FBLN7: variants seen among roughly 807,000 people sequenced by gnomAD.
FBLN7 encodes fibulin-7.
In FBLN7, 31 loss-of-function variants were observed where a neutral mutation model predicts 44.0. The ratio of observed to expected loss-of-function variants is 0.70; its 90% CI spans 0.53 to 0.95. FBLN7 has a LOEUF of 0.95. Ranked by LOEUF, FBLN7 falls within the 40% of genes least tolerant of loss-of-function variation. The pLI is 0.00. For missense variants in FBLN7, 573 were observed against 618.5 expected, an observed-to-expected ratio of 0.93 and a Z score of 0.78; for synonymous variants, 262 against 253.4, an observed-to-expected ratio of 1.03 and a Z score of -0.32.
chr2:112,232,096 G>A, the FBLN7 span: 15 of 419,868 alleles, frequency 3.6e-5, no homozygotes, highest in Non-Finnish European at 4.6e-5. Context: ...GATCACTTGA[G>A]GCCAGGAGTT....
the FBLN7 span, among the ~76,000 whole-genome samples, chr2:112,234,480 T>C: frequency 6.6e-6 from 1 of 152,212 alleles, no homozygotes; most frequent in South Asian, 2.1e-4. Flanking sequence ...ATACATTGCC[T>C]TTATTTTGTA....
At chr2:112,160,690 ACG>A (rs1681731762) in intron 2 of FBLN7, among the ~76,000 whole-genome samples, 1 of 128,698 alleles carries the variant, frequency 7.8e-6, no homozygotes, top group Admixed American at 7.5e-5. Flanking sequence ...ACGCACGCAC[ACG>A]CACACACGCA....
At chr2:112,243,243 T>A in the FBLN7 span, among the ~76,000 whole-genome samples, 1 of 152,226 alleles carries the variant, frequency 6.6e-6, no homozygotes, top group African/African-American at 2.4e-5. Flanking sequence ...AGACTTTAAG[T>A]GCTTCAAAAT....
intron 2 of FBLN7, among the ~76,000 whole-genome samples, chr2:112,160,151 C>G (rs532907445): frequency 6.6e-6 from 1 of 152,196 alleles, no homozygotes; most frequent in Non-Finnish European, 1.5e-5. Flanking sequence ...CCACCACGCC[C>G]GGCTAATTTT....
At chr2:112,231,999 T>C in the FBLN7 span, 2 of 1,122,120 alleles carry the variant, frequency 1.8e-6, no homozygotes, top group Non-Finnish European at 2.6e-6. Context: ...GAAATAATGT[T>C]ATTAACTTAA....
At chr2:112,206,644 A>G in the FBLN7 span, among the ~76,000 whole-genome samples, 1 of 152,032 alleles carries the variant, frequency 6.6e-6, no homozygotes, top group Non-Finnish European at 1.5e-5. Context: ...CCTGGGCTCA[A>G]GCAATCCACC....
the FBLN7 span, among the ~76,000 whole-genome samples, chr2:112,239,751 A>C: frequency 2.6e-5 from 4 of 151,860 alleles, no homozygotes; most frequent in Non-Finnish European, 5.9e-5. Flanking sequence ...TGCTCAGCTA[A>C]TTTTTGTATT....
chr2:112,160,043 T>C (rs188453854), intron 2 of FBLN7, among the ~76,000 whole-genome samples: 3,587 of 152,128 alleles, frequency 0.024, 139 homozygotes, highest in African/African-American at 0.08. Context: ...CAGGCTGGAG[T>C]GCAGTGGCGC....
At position 112,175,853 on chromosome 2, in the gene FBLN7, A is replaced by G. The variant is rs200782132; in HGVS notation, c.532+14A>G. ...AGGCCCAGACTGGTATGTAGCCACC[A>G]TGGGGTTAGGTGAGGACATCCTGCT... On this transcript the variant is annotated intron_variant, in intron 4 of 7. Coordinates refer to ENST00000331203, the MANE Select transcript of FBLN7 (RefSeq NM_153214.3). The G allele has an allele frequency of 2.7e-4, 443 of 1,613,324 alleles. No homozygotes were observed. The highest frequency in any genetic ancestry group is 3.6e-4 in the Non-Finnish European group (429 of 1,179,568).
At chr2:112,227,300 G>A in the FBLN7 span, among the ~76,000 whole-genome samples, 11 of 152,320 alleles carry the variant, frequency 7.2e-5, no homozygotes, top group Non-Finnish European at 1.3e-4. Flanking sequence ...CGAGGCAGGC[G>A]GATCGCCTGA....
chr2:112,187,609 C>T lies in FBLN7; in HGVS notation c.*103C>T, dbSNP rs1196447769. ...CGTGGAGCCTCCCGCCTGTTCCCGC[C>T]CTCTCACCAGTGCACCCAGGCTTCT... On this transcript the variant is annotated 3_prime_UTR_variant, in exon 8 of 8. Coordinates refer to ENST00000331203, the MANE Select transcript of FBLN7 (RefSeq NM_153214.3). This position sits in a 1 kb window ranked among gnomAD's most constrained non-coding sequence, Gnocchi z 5.1. 2.7e-6 allele frequency: 4 copies of T among 1,500,078 alleles called. No individual in the cohort carries two copies. In the Admixed American group the frequency reaches 5.7e-5, roughly 21 times the overall value. 92.9% of individuals were successfully genotyped at this position (1,500,078 alleles called of 1,614,324 possible).
the FBLN7 span, among the ~76,000 whole-genome samples, chr2:112,196,382 T>C: frequency 7.1e-6 from 1 of 140,104 alleles, no homozygotes; most frequent in African/African-American, 2.7e-5. Context: ...TTCTTTTTTT[T>C]TTTTTTTTTT....
chr2:112,205,358 G>GT, the FBLN7 span, among the ~76,000 whole-genome samples: 1 of 151,974 alleles, frequency 6.6e-6, no homozygotes, highest in African/African-American at 2.4e-5. Context: ...TATATTAAGT[G>GT]TATTTGGACT....
intron 1 of FBLN7, chr2:112,151,197 G>C (rs1487905944): frequency 6.6e-6 from 1 of 152,336 alleles, no homozygotes; most frequent in African/African-American, 2.4e-5. Context: ...AAACGGGAAG[G>C]GAAGGGTCAA....
chr2:112,164,906 A>G, intron 2 of FBLN7, 95 bp from the exon 3 acceptor site: 1 of 1,367,226 alleles, frequency 7.3e-7, no homozygotes, highest in Non-Finnish European at 1.0e-6. Context: ...CATGCAACAG[A>G]GGGCACTTCG....
At chr2:112,157,477 C>T (rs1681490288) in intron 1 of FBLN7, among the ~76,000 whole-genome samples, 1 of 152,164 alleles carries the variant, frequency 6.6e-6, no homozygotes. Context: ...CAGCAGAGTC[C>T]AGGCTGTGCT....
At chr2:112,149,729 C>T (rs185815598) in intron 1 of FBLN7, among the ~76,000 whole-genome samples, 50 of 152,270 alleles carry the variant, frequency 3.3e-4, no homozygotes, top group African/African-American at 1.2e-3. Flanking sequence ...AATAAGGACA[C>T]GACACACATT....
intron 1 of FBLN7, chr2:112,151,697 T>C (rs1295646332): frequency 6.6e-6 from 1 of 152,196 alleles, no homozygotes; most frequent in Non-Finnish European, 1.5e-5. Flanking sequence ...GTGCTGCCAT[T>C]TTTGCTGGTA....
the FBLN7 span, chr2:112,212,939 T>C: frequency 6.7e-6 from 1 of 150,104 alleles, no homozygotes; most frequent in African/African-American, 2.4e-5. Flanking sequence ...TATTTTGAGT[T>C]CAGCAAGCAC....
Sources: allele counts gnomAD v4.1 joint callset (sites outside exome capture counted in the v4.1 genomes callset), GRCh38; gene constraint gnomAD v4.1.1; non-coding constraint Gnocchi (gnomAD v3.1); transcripts MANE v1.5; gene names NCBI Gene and HGNC (gene_info 2026-07-23, HGNC 2026-07-21).